The following RIMS2 variants were observed in gnomAD, a reference collection of about 807,000 sequenced individuals.
RIMS2 encodes the protein regulating synaptic membrane exocytosis 2.
Under a neutral mutation model 174.4 loss-of-function variants are expected in RIMS2, and 59 were observed. The ratio of observed to expected loss-of-function variants is 0.34; its 90% confidence interval spans 0.27 to 0.42. RIMS2 has a LOEUF of 0.42. Among genes scored for constraint, RIMS2 ranks in the 10% least tolerant of loss-of-function variants. RIMS2 has a pLI of 1.00. For synonymous variants in RIMS2, 606 were observed against 572.5 expected (o/e 1.06, Z -0.84); for missense variants, 1,620 against 1,666.3 (o/e 0.97, Z 0.48).
intron 4 of RIMS2, among the ~76,000 whole-genome samples, chr8:103,889,720 T>G (rs898029438): frequency 6.6e-6 from 1 of 151,896 alleles, no homozygotes; most frequent in African/African-American, 2.4e-5. Flanking sequence ...GTTAGTGACT[T>G]TGGCTCGTCT....
exon 4 of RIMS2, chr8:103,886,168 T>C (rs1351724474): frequency 1.9e-6 from 3 of 1,612,350 alleles, no homozygotes; most frequent in Non-Finnish European, 8.5e-7. Flanking sequence ...CTTCCACGCC[T>C]GAATATACAA....
chr8:104,144,009 T>A (rs2098607258), intron 19 of RIMS2, among the ~76,000 whole-genome samples: 1 of 152,202 alleles, frequency 6.6e-6, no homozygotes, highest in Non-Finnish European at 1.5e-5. Context: ...TTTGGCCCTA[T>A]AGCATATAAA....
At chr8:103,873,940 T>C (rs1272669165) in intron 3 of RIMS2, among the ~76,000 whole-genome samples, 2 of 152,072 alleles carry the variant, frequency 1.3e-5, no homozygotes, top group Non-Finnish European at 2.9e-5. Flanking sequence ...GTTCAAGTAA[T>C]AGAAACCCCA....
chr8:103,646,816 A>G (rs1202681779), intron 1 of RIMS2, among the ~76,000 whole-genome samples: 1 of 152,114 alleles, frequency 6.6e-6, no homozygotes, highest in Non-Finnish European at 1.5e-5. Context: ...CTATTTGAAT[A>G]GCATTTATTT....
chr8:104,067,196 T>TAAGCAAGGGGTA (rs1437625148), intron 19 of RIMS2, among the ~76,000 whole-genome samples: 5 of 152,136 alleles, frequency 3.3e-5, no homozygotes, highest in African/African-American at 1.2e-4. Context: ...GTCATGATCT[T>TAAGCAAGGGGTA]AAGCAAGGGG....
At chr8:104,060,157 C>T (rs1400218403) in intron 19 of RIMS2, among the ~76,000 whole-genome samples, 3 of 151,066 alleles carry the variant, frequency 2.0e-5, no homozygotes, top group Non-Finnish European at 4.4e-5. Context: ...ATCAGTTCCT[C>T]CTTGTACCTC....
At chr8:103,554,733 A>T (rs1849631377) in intron 1 of RIMS2, among the ~76,000 whole-genome samples, 1 of 152,186 alleles carries the variant, frequency 6.6e-6, no homozygotes, top group Non-Finnish European at 1.5e-5. Flanking sequence ...ACACACGGAG[A>T]TGTATGTCCA....
At chr8:104,151,571 C>A (rs2098689707) in intron 19 of RIMS2, among the ~76,000 whole-genome samples, 1 of 120,536 alleles carries the variant, frequency 8.3e-6, no homozygotes, top group Admixed American at 8.8e-5. Context: ...CTGTCCTGCA[C>A]TCCCCCAACT....
chr8:104,180,892 T>C (rs1307754381), intron 19 of RIMS2, among the ~76,000 whole-genome samples: 1 of 151,760 alleles, frequency 6.6e-6, no homozygotes, highest in Non-Finnish European at 1.5e-5. Context: ...TTTCTAATTC[T>C]TCTCATTTAA....
intron 19 of RIMS2, among the ~76,000 whole-genome samples, chr8:104,092,582 A>G (rs931278343): frequency 6.6e-5 from 10 of 151,756 alleles, no homozygotes; most frequent in Non-Finnish European, 1.0e-4. Context: ...TAGGCCTTGC[A>G]AAAAAAGATA....
chr8:103,926,638 G>C (rs941468435), intron 10 of RIMS2, among the ~76,000 whole-genome samples: 2 of 151,568 alleles, frequency 1.3e-5, no homozygotes, highest in Non-Finnish European at 3.0e-5. Flanking sequence ...CCAGTTAGCA[G>C]TGGAAAGAGA....
intron 6 of RIMS2, among the ~76,000 whole-genome samples, chr8:103,913,742 G>A (rs913156310): frequency 3.3e-5 from 5 of 152,012 alleles, no homozygotes; most frequent in African/African-American, 1.2e-4. Flanking sequence ...GCAAAAGCAG[G>A]AGCAAGAGAG....
intron 3 of RIMS2, among the ~76,000 whole-genome samples, chr8:103,788,108 G>A (rs979219618): frequency 6.7e-6 from 1 of 150,196 alleles, no homozygotes; most frequent in African/African-American, 2.5e-5. Context: ...TCGAGCCTTG[G>A]TTTTCAGCTC....
intron 3 of RIMS2, among the ~76,000 whole-genome samples, chr8:103,797,263 A>T (rs1366229754): frequency 6.6e-6 from 1 of 152,174 alleles, no homozygotes; most frequent in African/African-American, 2.4e-5. Context: ...ATTTTTGCTT[A>T]GAAAGGATAC....
At chr8:104,168,737 G>C (rs929222454) in intron 19 of RIMS2, among the ~76,000 whole-genome samples, 2 of 152,102 alleles carry the variant, frequency 1.3e-5, no homozygotes, top group Admixed American at 6.6e-5. Context: ...TTCTCAAGGG[G>C]AATGCTTTCA....
At chr8:104,117,416 T>G (rs1307170487) in intron 19 of RIMS2, among the ~76,000 whole-genome samples, 1 of 151,780 alleles carries the variant, frequency 6.6e-6, no homozygotes, top group Non-Finnish European at 1.5e-5. Context: ...AGAAGCAAGG[T>G]CTTGCTCTGC....
At chr8:103,911,393 G>A (rs1359674522) in intron 5 of RIMS2, among the ~76,000 whole-genome samples, 2 of 151,986 alleles carry the variant, frequency 1.3e-5, no homozygotes, top group Non-Finnish European at 2.9e-5. Context: ...ATAGATCAAA[G>A]ACCTGAAAGA....
chr8:103,772,967 T>C lies in RIMS2; in HGVS notation c.698+6430T>C, dbSNP rs926182451. On this transcript the variant is annotated intron_variant, in intron 3 of 23. Coordinates refer to ENST00000504942, the Ensembl canonical transcript of RIMS2. ...ACTGAAAGTGGATCATAGAGATAAA[T>C]GTAAAAGCTAAAATTATAAAACTTC... 2.0e-5 allele frequency among the ~76,000 whole-genome samples: 3 copies of C among 152,244 alleles called. No individual in the cohort carries two copies. In the South Asian group the frequency reaches 6.2e-4, roughly 32 times the overall value.
At chr8:103,779,745 G>A (rs187611009) in intron 3 of RIMS2, among the ~76,000 whole-genome samples, 1,211 of 117,756 alleles carry the variant, frequency 0.01, 22 homozygotes, top group African/African-American at 0.039. Flanking sequence ...ACACACTAGG[G>A]CCTGTCATGG....
Sources: gnomAD v4.1 joint callset for allele counts (sites outside exome capture counted in the v4.1 genomes callset) on GRCh38, gnomAD v4.1.1 for gene constraint, MANE v1.5 for transcripts, NCBI Gene and HGNC (gene_info 2026-07-23, HGNC 2026-07-21) for gene names.